Variants in SCMH1 observed in about 807,000 individuals in gnomAD.
SCMH1 encodes the protein Scm polycomb group protein homolog 1.
SCMH1 carries 37 observed loss-of-function variants against 70.8 expected under a neutral mutation model. The ratio of observed to expected loss-of-function variants is 0.52; its 90% CI spans 0.40 to 0.69. The LOEUF (loss-of-function observed/expected upper bound fraction) is 0.69. SCMH1 is among the 30% of genes least tolerant of loss of function. The pLI is 0.00. For synonymous variants in SCMH1, 292 were observed against 307.4 expected (o/e 0.95, Z 0.52); for missense variants, 607 against 827.3 (o/e 0.73, Z 3.27).
At chr1:41,028,074 CTTGG>C in exon 15 of SCMH1, 1 of 1,261,002 alleles carries the variant, frequency 7.9e-7, no homozygotes, top group Non-Finnish European at 1.1e-6. Context: ...CACACAGCCT[CTTGG>C]AGTCCTGAGG....
At chr1:41,092,009 T>C (rs1290545804) in intron 8 of SCMH1, among the ~76,000 whole-genome samples, 5 of 152,150 alleles carry the variant, frequency 3.3e-5, no homozygotes, top group Non-Finnish European at 7.3e-5. Flanking sequence ...CTTCACAGAA[T>C]TGGAAAAAAC....
chr1:41,193,770 T>C (rs955263432), intron 1 of SCMH1, among the ~76,000 whole-genome samples: 4 of 152,148 alleles, frequency 2.6e-5, no homozygotes, highest in Non-Finnish European at 2.9e-5. Flanking sequence ...AGGCACCTTG[T>C]AAAGAATTTT....
intron 7 of SCMH1, among the ~76,000 whole-genome samples, chr1:41,115,168 A>C (rs1011870455): frequency 6.6e-6 from 1 of 152,226 alleles, no homozygotes; most frequent in African/African-American, 2.4e-5. Context: ...GTGATTTTTA[A>C]AAATTGACCA....
At chr1:41,089,905 C>T (rs1662907288) in intron 8 of SCMH1, among the ~76,000 whole-genome samples, 1 of 149,152 alleles carries the variant, frequency 6.7e-6, no homozygotes, top group African/African-American at 2.5e-5. Flanking sequence ...GAGTCTCGTG[C>T]CTCAGCCTCT....
chr1:41,135,181 C>G (rs577757995), intron 6 of SCMH1, among the ~76,000 whole-genome samples: 19 of 152,188 alleles, frequency 1.2e-4, no homozygotes, highest in African/African-American at 4.3e-4. Flanking sequence ...TTAGGCAACA[C>G]AGTTCTATGT....
At chr1:41,169,255 T>C (rs1477573736) in intron 2 of SCMH1, among the ~76,000 whole-genome samples, 2 of 152,182 alleles carry the variant, frequency 1.3e-5, no homozygotes, top group Non-Finnish European at 2.9e-5. Context: ...TAGCCTTGGA[T>C]TTATCACTGA....
At chr1:41,134,516 A>G (rs967806001) in intron 6 of SCMH1, among the ~76,000 whole-genome samples, 3 of 152,312 alleles carry the variant, frequency 2.0e-5, no homozygotes, top group African/African-American at 7.2e-5. Flanking sequence ...AGATGACACG[A>G]TTGTATATTC....
chr1:41,031,856 A>G (rs1394934803), intron 13 of SCMH1, among the ~76,000 whole-genome samples: 1 of 152,232 alleles, frequency 6.6e-6, no homozygotes. Flanking sequence ...GATAGTATAT[A>G]TAAATACACA....
At chr1:41,228,247 A>C (rs969904275) in intron 1 of SCMH1, among the ~76,000 whole-genome samples, 1 of 152,138 alleles carries the variant, frequency 6.6e-6, no homozygotes, top group Non-Finnish European at 1.5e-5. Context: ...TTTGCTGCTT[A>C]CTTATTGGGA....
chr1:41,109,318 C>A (rs780599832), intron 8 of SCMH1, among the ~76,000 whole-genome samples: 1 of 151,872 alleles, frequency 6.6e-6, no homozygotes, highest in Admixed American at 6.6e-5. Flanking sequence ...TTGCCATGAG[C>A]AGGAAACATT....
intron 6 of SCMH1, among the ~76,000 whole-genome samples, chr1:41,127,227 A>T (rs561681740): frequency 6.6e-6 from 1 of 152,162 alleles, no homozygotes; most frequent in Non-Finnish European, 1.5e-5. Flanking sequence ...CTATTTTTCT[A>T]TTTATGAGTG....
At chr1:41,152,820 T>C (rs942324772) in intron 4 of SCMH1, 348 of 1,339,840 alleles carry the variant, frequency 2.6e-4, no homozygotes, top group Non-Finnish European at 3.2e-4. Context: ...ACTCTATTTA[T>C]TTTATAGCTT....
At chr1:41,079,388 G>A (rs1659303620) in intron 8 of SCMH1, among the ~76,000 whole-genome samples, 1 of 151,838 alleles carries the variant, frequency 6.6e-6, no homozygotes, top group South Asian at 2.1e-4. Flanking sequence ...GTTTATAAGA[G>A]GGCCCTGAGA....
At chr1:41,195,141 A>C (rs938743368) in intron 1 of SCMH1, among the ~76,000 whole-genome samples, 2 of 145,202 alleles carry the variant, frequency 1.4e-5, no homozygotes, top group African/African-American at 5.4e-5. Flanking sequence ...CAAAAAAAAA[A>C]AAAAAAAAAA....
intron 1 of SCMH1, among the ~76,000 whole-genome samples, chr1:41,216,412 C>G (rs1658095180): frequency 6.6e-6 from 1 of 152,116 alleles, no homozygotes; most frequent in African/African-American, 2.4e-5. Flanking sequence ...GGGTCAGCTG[C>G]CTATCTAACT....
chr1:41,132,399 G>A lies in SCMH1; in HGVS notation c.412+10479C>T, dbSNP rs12043940. ...TGCCCACTTTTTGATGGGATTGTTTGTGTTTTTCTTGTAAATTTGTTTTTC... is the reference window on the plus strand; with the variant it reads ...TGCCCACTTTTTGATGGGATTGTTTATGTTTTTCTTGTAAATTTGTTTTTC... On this transcript the variant is annotated intron_variant, in intron 6 of 14. Coordinates refer to ENST00000337495, the Ensembl canonical transcript of SCMH1. Among the ~76,000 whole-genome samples the A allele has an allele frequency of 9.3e-4, 142 of 152,260 alleles. No homozygotes were observed. The East Asian group carries it at 0.021, about 23-fold the overall frequency.
chr1:41,052,461 C>G (rs1156987035), intron 10 of SCMH1, among the ~76,000 whole-genome samples: 2 of 152,240 alleles, frequency 1.3e-5, no homozygotes, highest in Non-Finnish European at 2.9e-5. Flanking sequence ...CCCCATGCCA[C>G]TGGTCCATGG....
intron 8 of SCMH1, among the ~76,000 whole-genome samples, chr1:41,080,642 T>C (rs981130998): frequency 6.6e-6 from 1 of 152,082 alleles, no homozygotes; most frequent in Non-Finnish European, 1.5e-5. Flanking sequence ...GCTGAACACA[T>C]ACATTCACTA....
intron 1 of SCMH1, among the ~76,000 whole-genome samples, chr1:41,196,176 CA>C (rs745747502): frequency 1.3e-5 from 2 of 152,070 alleles, no homozygotes; most frequent in Non-Finnish European, 2.9e-5. Context: ...CAATCCCTAT[CA>C]AAATCCAAAC....
Sources: allele counts gnomAD v4.1 joint callset (sites outside exome capture counted in the v4.1 genomes callset), GRCh38; gene constraint gnomAD v4.1.1; transcripts MANE v1.5; gene names NCBI Gene and HGNC (gene_info 2026-07-23, HGNC 2026-07-21).